The following SHQ1 variants were observed in gnomAD, a reference collection of about 807,000 sequenced individuals.
The protein encoded by SHQ1 is SHQ1, H/ACA ribonucleoprotein assembly factor, also known as protein SHQ1 homolog.
SHQ1 carries 49 observed loss-of-function variants against 53.8 expected under a neutral mutation model. The observed-to-expected ratio is 0.91, with a 90% confidence interval of 0.72 to 1.16. The LOEUF (loss-of-function observed/expected upper bound fraction) is 1.16. SHQ1 is among the 50% of genes most tolerant of loss of function. The pLI is 0.00. For missense variants in SHQ1, 738 were observed against 683.1 expected (o/e 1.08, Z -0.90); for synonymous variants, 243 against 251.0 (o/e 0.97, Z 0.30).
chr3:72,727,531 G>A, the SHQ1 span, among the ~76,000 whole-genome samples: 1 of 152,362 alleles, frequency 6.6e-6, no homozygotes, highest in East Asian at 1.9e-4. Context: ...ATCAGAGCTA[G>A]GAACAGATCC....
At chr3:72,828,313 T>G (rs1386775670) in intron 5 of SHQ1, among the ~76,000 whole-genome samples, 54 of 152,010 alleles carry the variant, frequency 3.6e-4, no homozygotes, top group Non-Finnish European at 1.5e-5. Flanking sequence ...ATGAGCCTAG[T>G]CTGAGGAGAT....
chr3:72,808,287 T>A (rs1290316916), intron 9 of SHQ1, among the ~76,000 whole-genome samples: 1 of 152,110 alleles, frequency 6.6e-6, no homozygotes, highest in Non-Finnish European at 1.5e-5. Flanking sequence ...CAGGCAGCAA[T>A]CAACTTGTAG....
chr3:72,784,780 G>C (rs1034266935), intron 10 of SHQ1, among the ~76,000 whole-genome samples: 1 of 152,124 alleles, frequency 6.6e-6, no homozygotes, highest in African/African-American at 2.4e-5. Context: ...CTGCGTGCCT[G>C]AATTTAACAG....
At chr3:72,740,692 A>G in the SHQ1 span, among the ~76,000 whole-genome samples, 4 of 152,204 alleles carry the variant, frequency 2.6e-5, no homozygotes, top group African/African-American at 9.7e-5. Context: ...TGGTATGGGC[A>G]TCCATGACTG....
chr3:72,821,755 C>T (rs1278019383), intron 6 of SHQ1, among the ~76,000 whole-genome samples: 1 of 152,198 alleles, frequency 6.6e-6, no homozygotes, highest in East Asian at 1.9e-4. Context: ...AAAGGTACAG[C>T]AGCATGCACC....
At chr3:72,811,656 C>G (rs2106854704) in intron 9 of SHQ1, among the ~76,000 whole-genome samples, 1 of 152,266 alleles carries the variant, frequency 6.6e-6, no homozygotes, top group Middle Eastern at 3.4e-3. Flanking sequence ...CTATTTCAAA[C>G]ATGATTTTCT....
the SHQ1 span, among the ~76,000 whole-genome samples, chr3:72,727,238 C>A: frequency 6.6e-6 from 1 of 152,120 alleles, no homozygotes; most frequent in African/African-American, 2.4e-5. Context: ...TGAGGCTCCC[C>A]GTAGTTTCCA....
intron 10 of SHQ1, among the ~76,000 whole-genome samples, chr3:72,758,506 T>C (rs1201555755): frequency 6.6e-6 from 1 of 151,718 alleles, no homozygotes; most frequent in African/African-American, 2.4e-5. Context: ...CACCAAAAAC[T>C]GGTAGCAGAA....
chr3:72,749,051 T>C (rs1341718582), downstream of SHQ1, among the ~76,000 whole-genome samples: 2 of 151,872 alleles, frequency 1.3e-5, no homozygotes, highest in Non-Finnish European at 2.9e-5. Flanking sequence ...TATCCATCTA[T>C]AAAAATGGTA....
At chr3:72,812,369 T>C (rs140326396) in intron 9 of SHQ1, among the ~76,000 whole-genome samples, 13 of 152,318 alleles carry the variant, frequency 8.5e-5, no homozygotes, top group East Asian at 3.9e-4. Context: ...TAGAAGATTA[T>C]AGGCAGCCAA....
chr3:72,731,740 C>T, the SHQ1 span, among the ~76,000 whole-genome samples: 4 of 151,064 alleles, frequency 2.6e-5, no homozygotes, highest in South Asian at 2.1e-4. Context: ...TATACAAAAA[C>T]AGGCAGTGGG....
the SHQ1 span, among the ~76,000 whole-genome samples, chr3:72,728,853 C>T: frequency 4.6e-5 from 7 of 152,214 alleles, no homozygotes; most frequent in African/African-American, 1.2e-4. Flanking sequence ...TACAGGGCCA[C>T]GCCCAAGTGG....
intron 10 of SHQ1, among the ~76,000 whole-genome samples, chr3:72,756,923 A>C (rs746070026): frequency 9.2e-5 from 14 of 152,196 alleles, no homozygotes; most frequent in Non-Finnish European, 1.8e-4. Context: ...CTGATACAAA[A>C]TTTCCTCAAT....
At chr3:72,784,204 T>C (rs1360769999) in intron 10 of SHQ1, among the ~76,000 whole-genome samples, 1 of 152,020 alleles carries the variant, frequency 6.6e-6, no homozygotes, top group Admixed American at 6.6e-5. Context: ...CATAAACCTT[T>C]AACATTCAAA....
At chr3:72,814,926 G>A (rs1007278988) in intron 8 of SHQ1, among the ~76,000 whole-genome samples, 2 of 152,032 alleles carry the variant, frequency 1.3e-5, no homozygotes, top group African/African-American at 4.8e-5. Context: ...AATAGGTGAA[G>A]TTTTTTTACA....
At chr3:72,729,269 A>C in the SHQ1 span, among the ~76,000 whole-genome samples, 1 of 152,158 alleles carries the variant, frequency 6.6e-6, no homozygotes, top group African/African-American at 2.4e-5. Flanking sequence ...GGAGGTGCTG[A>C]TTTCAACGTG....
At chr3:72,743,171 A>G in the SHQ1 span, among the ~76,000 whole-genome samples, 5 of 152,196 alleles carry the variant, frequency 3.3e-5, no homozygotes, top group South Asian at 8.3e-4. Context: ...GTAGAAATCA[A>G]TACAGAACTC....
chr3:72,732,384 G>GCCTTCCTTCCTTCCTT, the SHQ1 span, among the ~76,000 whole-genome samples: 441 of 86,784 alleles, frequency 5.1e-3, 1 homozygote, highest in African/African-American at 0.012. Context: ...CTGCCTGCCT[G>GCCTTCCTTCCTTCCTT]CCTGCCTTCC....
chr3:72,800,824 A>G (rs900672612), intron 9 of SHQ1, among the ~76,000 whole-genome samples: 6 of 152,220 alleles, frequency 3.9e-5, no homozygotes, highest in African/African-American at 1.4e-4. Flanking sequence ...CCCTAATTAT[A>G]TATTTCCCTG....
Sources: allele counts gnomAD v4.1 joint callset (sites outside exome capture counted in the v4.1 genomes callset), GRCh38; gene constraint gnomAD v4.1.1; transcripts MANE v1.5; gene names NCBI Gene and HGNC (gene_info 2026-07-23, HGNC 2026-07-21).